ARSB: variants seen among roughly 807,000 people sequenced by gnomAD.
ARSB encodes N-acetylgalactosamine-4-sulfatase.
Under a neutral mutation model 50.9 loss-of-function variants are expected in ARSB, and 41 were observed. The observed-to-expected ratio is 0.81, with a 90% CI of 0.63 to 1.04. ARSB has a LOEUF of 1.04. ARSB is among the 50% of genes least tolerant of loss of function. The pLI is 0.00. For missense variants in ARSB, 672 were observed against 693.3 expected (o/e 0.97, Z 0.35); for synonymous variants, 269 against 284.8 (o/e 0.94, Z 0.56).
At chr5:78,975,019 T>G (rs1162045572) in intron 1 of ARSB, among the ~76,000 whole-genome samples, 1 of 152,208 alleles carries the variant, frequency 6.6e-6, no homozygotes, top group Non-Finnish European at 1.5e-5. Context: ...GACAGCTCCC[T>G]CCTCCTGTGC....
At chr5:78,831,078 T>C (rs1744655529) in intron 6 of ARSB, among the ~76,000 whole-genome samples, 1 of 152,134 alleles carries the variant, frequency 6.6e-6, no homozygotes, top group African/African-American at 2.4e-5. Context: ...AAGTGAAAAG[T>C]GCAACTTTCC....
intron 6 of ARSB, among the ~76,000 whole-genome samples, chr5:78,783,159 C>T (rs1748973451): frequency 6.6e-6 from 1 of 152,146 alleles, no homozygotes; most frequent in Non-Finnish European, 1.5e-5. Context: ...TCACAGCAAT[C>T]ATCTTGGGAT....
At chr5:78,904,256 G>C (rs1340085264) in intron 4 of ARSB, among the ~76,000 whole-genome samples, 3 of 152,124 alleles carry the variant, frequency 2.0e-5, no homozygotes, top group Non-Finnish European at 4.4e-5. Context: ...GGACATTTGG[G>C]TTTTTCAGTT....
chr5:78,849,881 A>G (rs1309535051), intron 5 of ARSB, among the ~76,000 whole-genome samples: 4 of 150,630 alleles, frequency 2.7e-5, no homozygotes, highest in Admixed American at 1.3e-4. Flanking sequence ...TTGGTGTATA[A>G]GAATGCTTGT....
At chr5:78,825,490 C>T (rs968232976) in intron 6 of ARSB, among the ~76,000 whole-genome samples, 37 of 152,142 alleles carry the variant, frequency 2.4e-4, no homozygotes, top group Non-Finnish European at 5.4e-4. Flanking sequence ...GTTTAGATTC[C>T]TTTTCAGTCT....
At chr5:78,854,768 T>C (rs1746054978) in intron 5 of ARSB, among the ~76,000 whole-genome samples, 1 of 152,250 alleles carries the variant, frequency 6.6e-6, no homozygotes, top group Non-Finnish European at 1.5e-5. Context: ...GCCAGTCTAG[T>C]GGTGATGAAT....
chr5:78,800,432 C>T (rs1743345101), intron 6 of ARSB, among the ~76,000 whole-genome samples: 3 of 152,176 alleles, frequency 2.0e-5, no homozygotes, highest in South Asian at 2.1e-4. Context: ...CCCAGACCTC[C>T]GTTTGGGGCT....
At chr5:78,958,510 A>C (rs182082101) in intron 3 of ARSB, among the ~76,000 whole-genome samples, 5 of 152,338 alleles carry the variant, frequency 3.3e-5, no homozygotes, top group Admixed American at 3.3e-4. Flanking sequence ...TCACTTTGTT[A>C]AATATGGTGA....
Position 78,905,344 on chromosome 5 carries a change from G to GTTTTTTTTTTTTTTTTTTT in ARSB, c.899-19518_899-19517insAAAAAAAAAAAAAAAAAAA, listed in dbSNP as rs60622885. Among the ~76,000 whole-genome samples the GTTTTTTTTTTTTTTTTTTT allele has an allele frequency of 2.2e-4, 29 of 130,550 alleles. 2 individuals carry two copies. The highest frequency in any genetic ancestry group is 4.0e-4 in the Admixed American group (5 of 12,548). 85.6% of individuals were successfully genotyped at this position (130,550 alleles called of 152,430 possible). A position where few individuals can be genotyped will look rare whatever the true frequency, so the allele number is the denominator to read the frequency against. ...CCTTGAGTACTGCTCGTATTTTCCT[G>GTTTTTTTTTTTTTTTTTTT]TTTTTTTTTTTTTGTATAATGAGTA... is the stretch of plus-strand genomic sequence containing the variant. On this transcript the variant is annotated intron_variant, in intron 4 of 7. Coordinates refer to ENST00000264914, the MANE Select transcript of ARSB (RefSeq NM_000046.5).
chr5:78,812,923 C>T (rs746353809), intron 6 of ARSB, among the ~76,000 whole-genome samples: 2 of 152,236 alleles, frequency 1.3e-5, no homozygotes, highest in East Asian at 3.9e-4. Flanking sequence ...CCCAGGTGAT[C>T]GAGGCTGCAG....
intron 5 of ARSB, among the ~76,000 whole-genome samples, chr5:78,867,663 C>T (rs1247196722): frequency 6.6e-6 from 1 of 152,190 alleles, no homozygotes; most frequent in Non-Finnish European, 1.5e-5. Flanking sequence ...CCCATCTGTA[C>T]ATCACCATCA....
intron 4 of ARSB, among the ~76,000 whole-genome samples, chr5:78,889,677 G>A (rs1748191014): frequency 6.6e-6 from 1 of 152,140 alleles, no homozygotes; most frequent in Non-Finnish European, 1.5e-5. Flanking sequence ...AAAAATATTG[G>A]TTTGCCAAAG....
chr5:78,866,356 A>T (rs535311655), intron 5 of ARSB, among the ~76,000 whole-genome samples: 1 of 152,162 alleles, frequency 6.6e-6, no homozygotes. Context: ...CACTATCATG[A>T]GAACAGCATA....
chr5:78,807,892 G>A (rs1743628901), intron 6 of ARSB, among the ~76,000 whole-genome samples: 1 of 151,740 alleles, frequency 6.6e-6, no homozygotes, highest in South Asian at 2.1e-4. Context: ...AGGAGATCGA[G>A]ACCATCCCGG....
chr5:78,923,725 T>C (rs770349305), intron 4 of ARSB, among the ~76,000 whole-genome samples: 3 of 152,228 alleles, frequency 2.0e-5, no homozygotes, highest in Non-Finnish European at 4.4e-5. Flanking sequence ...AGCAATTGGC[T>C]ATTGAGTCAT....
intron 4 of ARSB, among the ~76,000 whole-genome samples, chr5:78,943,335 T>G (rs926510852): frequency 6.6e-6 from 1 of 152,198 alleles, no homozygotes; most frequent in African/African-American, 2.4e-5. Flanking sequence ...GTTAGCTGGT[T>G]ATTTTGCTCG....
rs1742991256 is a variant in ARSB, at chr5:78,792,428, CA to C, written c.1214-10455del. Among the ~76,000 whole-genome samples the C allele has an allele frequency of 2.0e-5, 3 of 151,840 alleles. No individual in the cohort carries two copies. In the South Asian group the frequency reaches 6.3e-4, roughly 32 times the overall value. On this transcript the variant is annotated intron_variant, in intron 6 of 7. Transcript: ENST00000264914. ...ATTCAAGGCCATCCTGGGCCACGTG[CA>C]GCCCGTGGGCCATGGGTTTGAATAA...
At chr5:78,795,969 G>A (rs1210918617) in intron 6 of ARSB, among the ~76,000 whole-genome samples, 2 of 152,246 alleles carry the variant, frequency 1.3e-5, no homozygotes, top group African/African-American at 4.8e-5. Flanking sequence ...ATTGTGCATA[G>A]TAAGTATTCA....
In ARSB at chr5:78,929,742, G is replaced by A. The variant is rs547343934; in HGVS notation, c.898+25553C>T. Among the ~76,000 whole-genome samples, 9 of 148,034 alleles carry A rather than the reference G, an allele frequency of 6.1e-5. No homozygotes were observed. In the East Asian group the frequency reaches 9.9e-4, roughly 16 times the overall value. On this transcript the variant is annotated intron_variant, in intron 4 of 7. Coordinates refer to ENST00000264914, the MANE Select transcript of ARSB (RefSeq NM_000046.5). ...CTGGGGGCTGAGATTGCAGTCAGCC[G>A]AGATCGCGCCACTGCACTCCAGCCT...
Sources: allele counts gnomAD v4.1 joint callset (sites outside exome capture counted in the v4.1 genomes callset), GRCh38; gene constraint gnomAD v4.1.1; transcripts MANE v1.5; gene names NCBI Gene and HGNC (gene_info 2026-07-23, HGNC 2026-07-21).